The following UBAC2 variants were observed in gnomAD, a reference collection of about 807,000 sequenced individuals.
The protein encoded by UBAC2 is ubiquitin-associated domain-containing protein 2.
Under a neutral mutation model 44.0 loss-of-function variants are expected in UBAC2, and 26 were observed. The ratio of observed to expected loss-of-function variants is 0.59; its 90% CI spans 0.43 to 0.82. UBAC2 has a LOEUF of 0.82. Ranked by LOEUF, UBAC2 falls within the 40% of genes least tolerant of loss-of-function variation. UBAC2 has a pLI of 0.00. For synonymous variants in UBAC2, 155 were observed against 154.3 expected, an observed-to-expected ratio of 1.00 and a Z score of -0.04; for missense variants, 329 against 419.4, an observed-to-expected ratio of 0.78 and a Z score of 1.88.
intron 4 of UBAC2, among the ~76,000 whole-genome samples, chr13:99,304,850 C>G (rs557046955): frequency 6.6e-6 from 1 of 152,110 alleles, no homozygotes; most frequent in African/African-American, 2.4e-5. Context: ...CTCCTATTTC[C>G]GACGTGATCT....
At chr13:99,344,977 C>T (rs2044951734) in intron 7 of UBAC2, among the ~76,000 whole-genome samples, 10 of 152,104 alleles carry the variant, frequency 6.6e-5, no homozygotes, top group Admixed American at 6.5e-4. Context: ...ACTGAAGCAC[C>T]CATGCAGTGA....
chr13:99,252,001 A>G (rs1043929854), intron 4 of UBAC2, among the ~76,000 whole-genome samples: 1 of 152,220 alleles, frequency 6.6e-6, no homozygotes, highest in East Asian at 1.9e-4. Flanking sequence ...GCTCAAGCCC[A>G]GTCCTCCCAC....
chr13:99,316,861 T>C (rs1453921573), intron 5 of UBAC2, among the ~76,000 whole-genome samples: 2 of 152,184 alleles, frequency 1.3e-5, no homozygotes, highest in East Asian at 3.9e-4. Context: ...GCTTAACCAC[T>C]CGGTTTTACT....
intron 4 of UBAC2, among the ~76,000 whole-genome samples, chr13:99,281,737 C>A (rs1324709094): frequency 1.3e-5 from 2 of 152,214 alleles, no homozygotes; most frequent in Non-Finnish European, 2.9e-5. Flanking sequence ...GATTGCCAAT[C>A]ATTTTAACAA....
At position 99,213,519 on chromosome 13, in the gene UBAC2, C is replaced by T. The variant is rs558691330; in HGVS notation, c.31+12580C>T. On this transcript the variant is annotated intron_variant, in intron 1 of 8. Coordinates refer to ENST00000403766, the MANE Select transcript of UBAC2 (RefSeq NM_001144072.2). ...GGGATTACAGGCACCTGCCATCATGCCCAGCTAATTTTTGTATTTTTGTAG... is the reference window on the plus strand; with the variant it reads ...GGGATTACAGGCACCTGCCATCATGTCCAGCTAATTTTTGTATTTTTGTAG... Among the ~76,000 whole-genome samples, 139 of 151,798 alleles carry T rather than the reference C, an allele frequency of 9.2e-4. 1 individual carries two copies. The highest frequency in any genetic ancestry group is 1.7e-3 in the Non-Finnish European group (117 of 67,944).
chr13:99,256,775 C>A (rs1298631326), intron 4 of UBAC2, among the ~76,000 whole-genome samples: 1 of 151,200 alleles, frequency 6.6e-6, no homozygotes, highest in Non-Finnish European at 1.5e-5. Context: ...ATATCATTGA[C>A]TCCTCAGTGT....
chr13:99,349,850 G>A (rs2045053695), intron 7 of UBAC2, among the ~76,000 whole-genome samples: 1 of 152,184 alleles, frequency 6.6e-6, no homozygotes, highest in South Asian at 2.1e-4. Context: ...ACTGCGGGCA[G>A]ACTGGGATAA....
intron 4 of UBAC2, among the ~76,000 whole-genome samples, chr13:99,278,354 A>T (rs762906458): frequency 6.6e-6 from 1 of 152,060 alleles, no homozygotes; most frequent in Non-Finnish European, 1.5e-5. Flanking sequence ...GCGTGAAGGG[A>T]TTGCCTGTCT....
chr13:99,232,814 C>T (rs1291149144), intron 1 of UBAC2, among the ~76,000 whole-genome samples: 1 of 152,002 alleles, frequency 6.6e-6, no homozygotes, highest in Non-Finnish European at 1.5e-5. Flanking sequence ...TGGGGCCTTG[C>T]CCCTGTAATC....
chr13:99,255,097 G>T (rs193218266), intron 4 of UBAC2: 16 of 1,614,056 alleles, frequency 9.9e-6, no homozygotes, highest in Non-Finnish European at 1.2e-5. Flanking sequence ...GTTCTCCCCC[G>T]TTCCCAGCAT....
At chr13:99,260,925 A>G (rs1051577755) in intron 4 of UBAC2, among the ~76,000 whole-genome samples, 2 of 152,228 alleles carry the variant, frequency 1.3e-5, no homozygotes, top group African/African-American at 2.4e-5. Context: ...ATTAAAAGCC[A>G]TAAGTGAATT....
rs11338165 is a variant in UBAC2 at position 99,216,834 on chromosome 13, C to CTTTTTTTTTTT, written c.31+15898_31+15908dup. ...TTTTTGTTGGACTCTTTTCTTTTTT[C>CTTTTTTTTTTT]TTTTTTTTTTTTTGAGACGAAGTCT... On this transcript the variant is annotated intron_variant, in intron 1 of 8. Coordinates refer to ENST00000403766, the MANE Select transcript of UBAC2 (RefSeq NM_001144072.2). Among the ~76,000 whole-genome samples the CTTTTTTTTTTT allele has an allele frequency of 1.7e-4, 24 of 140,638 alleles. 2 individuals are homozygous for CTTTTTTTTTTT. Among genetic ancestry groups the CTTTTTTTTTTT allele is most frequent in the East Asian group, 1.0e-3 (5 of 4,858 alleles). 92.3% of individuals were successfully genotyped at this position (140,638 alleles called of 152,430 possible). A position where few individuals can be genotyped will look rare whatever the true frequency, so the allele number is the denominator to read the frequency against.
chr13:99,373,610 G>GTGC (rs2138911591), intron 8 of UBAC2, among the ~76,000 whole-genome samples: 1 of 152,328 alleles, frequency 6.6e-6, no homozygotes, highest in African/African-American at 2.4e-5. Context: ...AAGTGTTCGG[G>GTGC]TGCTGCTGAG....
chr13:99,277,485 A>G (rs1281024571), intron 4 of UBAC2, among the ~76,000 whole-genome samples: 1 of 152,212 alleles, frequency 6.6e-6, no homozygotes, highest in East Asian at 1.9e-4. Context: ...AGATCACACC[A>G]TTGTACTCCA....
intron 8 of UBAC2, among the ~76,000 whole-genome samples, chr13:99,382,336 T>A (rs1462600932): frequency 6.6e-6 from 1 of 152,254 alleles, no homozygotes; most frequent in Non-Finnish European, 1.5e-5. Context: ...GAGACCTGAC[T>A]TGACAGCATT....
chr13:99,311,690 T>A (rs2044412863), intron 4 of UBAC2, among the ~76,000 whole-genome samples: 1 of 152,244 alleles, frequency 6.6e-6, no homozygotes, highest in Non-Finnish European at 1.5e-5. Context: ...TTTTGAGAAC[T>A]CTGTATAGTC....
intron 6 of UBAC2, 52 bp downstream of exon 6, chr13:99,318,121 AT>A (rs1269465544): frequency 3.3e-6 from 5 of 1,492,562 alleles, no homozygotes; most frequent in Non-Finnish European, 4.7e-6. Flanking sequence ...CTGTAAAAAC[AT>A]TAGGAAAATT....
chr13:99,376,735 G>A (rs754436141), intron 8 of UBAC2, among the ~76,000 whole-genome samples: 87 of 152,176 alleles, frequency 5.7e-4, no homozygotes, highest in Non-Finnish European at 9.1e-4. Context: ...GAATCATTTC[G>A]ATTTGGGGGC....
intron 6 of UBAC2, among the ~76,000 whole-genome samples, chr13:99,329,210 G>T (rs554499653): frequency 6.0e-4 from 91 of 152,258 alleles, no homozygotes; most frequent in Non-Finnish European, 9.7e-4. Flanking sequence ...GGTAAGTCTT[G>T]CAATCAGGCA....
Sources: allele counts gnomAD v4.1 joint callset (sites outside exome capture counted in the v4.1 genomes callset), GRCh38; gene constraint gnomAD v4.1.1; transcripts MANE v1.5; gene names NCBI Gene and HGNC (gene_info 2026-07-23, HGNC 2026-07-21).